Variants in C6orf141 observed in about 807,000 individuals in gnomAD.
C6orf141 encodes the protein chromosome 6 open reading frame 141, also known as uncharacterized protein C6orf141.
For missense variants in C6orf141, 361 were observed against 335.8 expected (o/e 1.07, Z -0.59); for synonymous variants, 164 against 140.5 (o/e 1.17, Z -1.18).
chr6:49,558,058 T>TG lies in C6orf141; in HGVS notation c.*763+2902dup, dbSNP rs1561996144. Reference sequence around the variant, plus strand: ...AAGTGCATGCCGTTACACTCAAATATGTTTTTTTTTTTTTTTTTTTTTTTT... The same window carrying TG: ...AAGTGCATGCCGTTACACTCAAATATGGTTTTTTTTTTTTTTTTTTTTTTTT... On this transcript the variant is annotated intron_variant and NMD_transcript_variant, in intron 4 of 4. Coordinates refer to the C6orf141 transcript ENST00000371194. Among the ~76,000 whole-genome samples the TG allele has an allele frequency of 1.7e-4, 22 of 126,056 alleles. No individual in the cohort carries two copies. The South Asian group carries it at 5.5e-3, about 32-fold the overall frequency. 82.7% of individuals were successfully genotyped at this position (126,056 alleles called of 152,430 possible).
At chr6:49,559,077 C>G (rs2127316394) in intron 4 of C6orf141, among the ~76,000 whole-genome samples, 1 of 150,388 alleles carries the variant, frequency 6.6e-6, no homozygotes, top group Non-Finnish European at 1.5e-5. Flanking sequence ...ACAGCACACA[C>G]AAAACAATCA....
At chr6:49,554,216 T>C (rs1051867013), downstream of C6orf141, among the ~76,000 whole-genome samples, 6 of 152,258 alleles carry the variant, frequency 3.9e-5, no homozygotes, top group Non-Finnish European at 7.3e-5. Flanking sequence ...CTTTGAATAC[T>C]TTCTTTGACC....
rs1460031088 is a variant in C6orf141, at chr6:49,551,270, G to C, written c.478G>C (p.Val160Leu). ...DAADPPKYVL[V>L]RVEDYQVTQE... The stretch of plus-strand genomic sequence containing the variant: ...AGCAGACCCACCCAAATACGTGCTT[G>C]TGCGGGTGGAGGATTATCAGGTAAC... The change falls in exon 1 of 1, where the codon GTG becomes CTG. Residue 160 changes from valine (V) to leucine (L), a missense_variant. Val to Leu is a conservative substitution (Grantham distance 32, BLOSUM62 1). Transcript: ENST00000529246. The C allele has an allele frequency of 2.6e-6, 4 of 1,551,734 alleles. No individual in the cohort carries two copies. In the South Asian group the frequency reaches 4.8e-5, roughly 18 times the overall value.
At chr6:49,557,033 C>T (rs1172298459), downstream of C6orf141, among the ~76,000 whole-genome samples, 1 of 152,172 alleles carries the variant, frequency 6.6e-6, no homozygotes, top group African/African-American at 2.4e-5. Context: ...GCAGGTGGAT[C>T]ACCTGAGGTC....
At chr6:49,558,059 G>GTTTTTTTTTTTTTGTTTTGTTTTGT (rs1772345550) in intron 4 of C6orf141, among the ~76,000 whole-genome samples, 1 of 97,800 alleles carries the variant, frequency 1.0e-5, no homozygotes, top group African/African-American at 4.0e-5. Flanking sequence ...ACTCAAATAT[G>GTTTTTTTTTTTTTGTTTTGTTTTGT]TTTTTTTTTT....
At chr6:49,559,628 A>G (rs1772873212) in intron 4 of C6orf141, among the ~76,000 whole-genome samples, 1 of 152,078 alleles carries the variant, frequency 6.6e-6, no homozygotes, top group Non-Finnish European at 1.5e-5. Context: ...TTGTGTGACC[A>G]TTGGACCATC....
chr6:49,555,719 AGGAT>A (rs1297075321), downstream of C6orf141, among the ~76,000 whole-genome samples: 4 of 152,150 alleles, frequency 2.6e-5, no homozygotes, highest in Non-Finnish European at 2.9e-5. Flanking sequence ...CATGTTAGCC[AGGAT>A]GGTCTCGATC....
intron 4 of C6orf141, among the ~76,000 whole-genome samples, chr6:49,559,823 C>T (rs770983288): frequency 1.3e-5 from 2 of 152,098 alleles, no homozygotes; most frequent in African/African-American, 2.4e-5. Context: ...GGGAGAACTT[C>T]GGAATGCAGT....
At position 49,558,059 on chromosome 6, in the gene C6orf141, GTTTT is replaced by G. The variant is rs71002664; in HGVS notation, c.*763+2923_*763+2926del. ...AGTGCATGCCGTTACACTCAAATAT[GTTTT>G]TTTTTTTTTTTTTTTTTTTTAGTAG... On this transcript the variant is annotated intron_variant and NMD_transcript_variant, in intron 4 of 4. Transcript: ENST00000371194. Among the ~76,000 whole-genome samples, 809 of 97,728 alleles carry G rather than the reference GTTTT, an allele frequency of 8.3e-3. 8 individuals are homozygous for G. Among genetic ancestry groups the G allele is most frequent in the African/African-American group, 0.03 (737 of 24,778 alleles). The allele number at this position is 97,728 out of a possible 152,430, so 64.1% of individuals were successfully genotyped here.
chr6:49,560,470 A>G (rs6899583), intron 4 of C6orf141: 116,776 of 152,130 alleles, frequency 0.77, 46,546 homozygotes, highest in East Asian at 0.91. Flanking sequence ...GCAGTGCATC[A>G]TCATTAGAGA....
At chr6:49,558,320 G>A (rs1294431838) in intron 4 of C6orf141, among the ~76,000 whole-genome samples, 2 of 151,292 alleles carry the variant, frequency 1.3e-5, no homozygotes, top group Non-Finnish European at 2.9e-5. Context: ...GGAGCCTATT[G>A]GCATGGGGGG....
At chr6:49,561,079 A>G (rs1773223658) in intron 4 of C6orf141, 1 of 149,010 alleles carries the variant, frequency 6.7e-6, no homozygotes, top group Non-Finnish European at 1.5e-5. Context: ...AAACTCAACT[A>G]AATGCATTCA....
At position 49,552,038 on chromosome 6, in the gene C6orf141, C is replaced by G; in HGVS notation, c.*511C>G. 3 of 699,652 alleles carry G rather than the reference C, an allele frequency of 4.3e-6. No individual in the cohort carries two copies. Among genetic ancestry groups the G allele is most frequent in the Non-Finnish European group, 5.4e-6 (3 of 555,510 alleles). The allele number at this position is 699,652 out of a possible 1,614,324, so 43.3% of individuals were successfully genotyped here. A position where few individuals can be genotyped will look rare whatever the true frequency, so the allele number is the denominator to read the frequency against. ...TGACTCTCTTCTGATGTGCACTTTT[C>G]ATTTTTCTCCCCCACATTTCAGTGT... On this transcript the variant is annotated 3_prime_UTR_variant, in exon 1 of 1. Transcript: ENST00000529246.
rs961350400 is a variant in C6orf141, at chr6:49,550,767, G to T, written c.-26G>T. On this transcript the variant is annotated 5_prime_UTR_variant, in exon 1 of 1. Coordinates refer to ENST00000529246, the MANE Select transcript of C6orf141 (RefSeq NM_001145652.2). ...TTCCGGAGCTCAGCAGGCGCTTGCT[G>T]CTTGAACCGGTCAAAGAAGGAACGA... 5 of 1,443,720 alleles carry T rather than the reference G, an allele frequency of 3.5e-6. No homozygotes were observed. The highest frequency in any genetic ancestry group is 2.6e-4 in the Middle Eastern group (1 of 3,908). The allele number at this position is 1,443,720 out of a possible 1,614,324, so 89.4% of individuals were successfully genotyped here.
intron 4 of C6orf141, among the ~76,000 whole-genome samples, chr6:49,558,321 G>A (rs1331122097): frequency 6.6e-6 from 1 of 151,584 alleles, no homozygotes; most frequent in African/African-American, 2.4e-5. Context: ...GAGCCTATTG[G>A]CATGGGGGGA....
At chr6:49,557,362 T>C (rs1181059542) in intron 4 of C6orf141, among the ~76,000 whole-genome samples, 1 of 152,088 alleles carries the variant, frequency 6.6e-6, no homozygotes, top group Non-Finnish European at 1.5e-5. Flanking sequence ...CTTGCTATAA[T>C]AAGAGAGTCA....
In C6orf141 at chr6:49,551,061, T is replaced by C. The variant is rs1200323228; in HGVS notation, c.269T>C (p.Leu90Pro). 6.4e-7 allele frequency: 1 copy of C among 1,551,490 alleles called. No homozygotes were observed. The highest frequency in any genetic ancestry group is 2.0e-5 in the Admixed American group (1 of 50,988). ...GAGTCCTGGGTCAGAGAGAAAGTGC[T>C]CTTTCTCCTGCACCCAGAGAGGTGG... ...DRESWVREKV[L>P]FLLHPERWLG... Residue 90 changes from leucine (L) to proline (P), a missense_variant, in exon 1 of 1, where the codon CTC becomes CCC. Leu to Pro is a moderately conservative substitution (Grantham distance 98). Transcript: ENST00000529246.
At chr6:49,556,070 G>A (rs779141217), downstream of C6orf141, among the ~76,000 whole-genome samples, 2 of 152,176 alleles carry the variant, frequency 1.3e-5, no homozygotes, top group South Asian at 2.1e-4. Context: ...CAAGATGGGC[G>A]TTCTGTGAAA....
intron 4 of C6orf141, among the ~76,000 whole-genome samples, chr6:49,558,942 C>A (rs1581910511): frequency 6.6e-6 from 1 of 151,470 alleles, no homozygotes; most frequent in African/African-American, 2.4e-5. Flanking sequence ...CTCCTGAACT[C>A]GTGATCCACC....
Sources: allele counts gnomAD v4.1 joint callset (sites outside exome capture counted in the v4.1 genomes callset), GRCh38; gene constraint gnomAD v4.1.1; transcripts MANE v1.5; gene names NCBI Gene and HGNC (gene_info 2026-07-23, HGNC 2026-07-21).